EXOC6: variants seen among roughly 807,000 people sequenced by gnomAD.
EXOC6 encodes the protein SEC15-like 1.
A neutral mutation model predicts 112.5 loss-of-function variants in EXOC6; 60 were observed. That is an observed-to-expected ratio of 0.53 (90% CI 0.43 to 0.66). EXOC6 has a LOEUF of 0.66. Ranked by LOEUF, EXOC6 falls within the 30% of genes least tolerant of loss-of-function variation. The pLI is 0.00. For synonymous variants in EXOC6, 295 were observed against 308.0 expected (o/e 0.96, Z 0.44); for missense variants, 855 against 957.1 (o/e 0.89, Z 1.41).
chr10:92,947,564 T>TG (rs35725783), intron 13 of EXOC6, among the ~76,000 whole-genome samples: 1 of 152,156 alleles, frequency 6.6e-6, no homozygotes, highest in Non-Finnish European at 1.5e-5. Flanking sequence ...ATAATCTCAT[T>TG]GGGAAAAGAG....
upstream of EXOC6, among the ~76,000 whole-genome samples, chr10:92,834,446 A>C (rs1564758729): frequency 6.6e-6 from 1 of 152,240 alleles, no homozygotes; most frequent in Non-Finnish European, 1.5e-5. Flanking sequence ...TTGAGAAACG[A>C]GTGAATAAAT....
chr10:93,044,319 C>T (rs1244352165), intron 20 of EXOC6, among the ~76,000 whole-genome samples: 1 of 152,044 alleles, frequency 6.6e-6, no homozygotes, highest in Non-Finnish European at 1.5e-5. Context: ...AGAGAAGCAC[C>T]TTTGAGATTC....
Position 92,987,333 on chromosome 10 carries a change from G to C in EXOC6, c.1954-10141G>C, listed in dbSNP as rs73317373. Among the ~76,000 whole-genome samples the C allele has an allele frequency of 5.6e-3, 855 of 152,246 alleles. 5 individuals carry two copies. Among genetic ancestry groups the C allele is most frequent in the African/African-American group, 0.02 (819 of 41,538 alleles). ...AGTAGACATAAGTGCTAAAGCTCTT[G>C]GTTTTTTAATTCTGACTAGACAACT... On this transcript the variant is annotated intron_variant, in intron 18 of 21. Transcript: ENST00000260762.
At chr10:92,919,198 C>G (rs1589831500) in intron 7 of EXOC6, among the ~76,000 whole-genome samples, 1 of 152,172 alleles carries the variant, frequency 6.6e-6, no homozygotes, top group East Asian at 1.9e-4. Context: ...GCCTTACCCC[C>G]AGACCTTTAC....
rs201030689 is a variant in EXOC6, at chr10:92,940,718, G to A, written c.1213-9G>A. On this transcript the variant is annotated splice_polypyrimidine_tract_variant and intron_variant, in intron 12 of 21. Transcript: ENST00000260762. ...TGTTTATCTGCTTTTTTTTTTTTTTGTATTTTAGGGTTATGGTTTTCCAGT... is the reference window on the plus strand; with the variant it reads ...TGTTTATCTGCTTTTTTTTTTTTTTATATTTTAGGGTTATGGTTTTCCAGT... 2 of 1,031,828 alleles carry A rather than the reference G, an allele frequency of 1.9e-6. No individual in the cohort carries two copies. The highest frequency in any genetic ancestry group is 4.9e-5 in the African/African-American group (2 of 41,100). 63.9% of individuals were successfully genotyped at this position (1,031,828 alleles called of 1,614,324 possible).
upstream of EXOC6, among the ~76,000 whole-genome samples, chr10:92,844,505 C>T (rs778844125): frequency 1.3e-5 from 2 of 152,112 alleles, no homozygotes; most frequent in Non-Finnish European, 2.9e-5. Flanking sequence ...TTCCTGTTTC[C>T]CTCTCTACAA....
intron 20 of EXOC6, among the ~76,000 whole-genome samples, chr10:93,056,000 C>T (rs1379061138): frequency 6.6e-6 from 1 of 152,060 alleles, no homozygotes; most frequent in African/African-American, 2.4e-5. Context: ...AAAGCAAAAC[C>T]AGTAAGACCC....
chr10:93,023,210 C>G (rs1844866872), intron 20 of EXOC6, among the ~76,000 whole-genome samples: 1 of 152,056 alleles, frequency 6.6e-6, no homozygotes, highest in Non-Finnish European at 1.5e-5. Context: ...CCCACCCGGA[C>G]TTTGCCCTGA....
chr10:92,971,086 C>T (rs188425021), intron 17 of EXOC6, among the ~76,000 whole-genome samples: 1 of 152,166 alleles, frequency 6.6e-6, no homozygotes, highest in Admixed American at 6.5e-5. Context: ...GAGTCTCGCT[C>T]TGTTGCCCAG....
chr10:92,975,933 C>T (rs1437661569), intron 18 of EXOC6, among the ~76,000 whole-genome samples: 8 of 140,410 alleles, frequency 5.7e-5, no homozygotes, highest in East Asian at 2.2e-4. Flanking sequence ...GGGTCAGCCC[C>T]CCGCCCGGCC....
At chr10:92,882,010 C>T (rs530370811) in intron 1 of EXOC6, among the ~76,000 whole-genome samples, 19 of 152,198 alleles carry the variant, frequency 1.2e-4, no homozygotes, top group African/African-American at 2.4e-4. Context: ...TACCCAGTCT[C>T]GAGTACGTCT....
At chr10:92,838,610 C>T (rs958216264) in intron 1 of EXOC6, among the ~76,000 whole-genome samples, 2 of 152,190 alleles carry the variant, frequency 1.3e-5, no homozygotes, top group Admixed American at 6.5e-5. Flanking sequence ...AAAGCCATCT[C>T]AGCCAACTAT....
chr10:93,046,840 C>T (rs549989150), intron 20 of EXOC6, among the ~76,000 whole-genome samples: 37 of 152,084 alleles, frequency 2.4e-4, no homozygotes, highest in African/African-American at 7.7e-4. Context: ...TCAGGTGGTC[C>T]GCCCACCTCA....
intron 6 of EXOC6, among the ~76,000 whole-genome samples, chr10:92,911,104 GCAATGTCATAGAAATGAAA>G (rs1850734101): frequency 6.6e-6 from 1 of 152,126 alleles, no homozygotes; most frequent in East Asian, 1.9e-4. Flanking sequence ...AGCTGTTCTT[GCAATGTCATAGAAATGAAA>G]CAATGTCATA....
intron 1 of EXOC6, among the ~76,000 whole-genome samples, chr10:92,854,408 C>T (rs1040195292): frequency 2.0e-5 from 3 of 151,710 alleles, no homozygotes; most frequent in Non-Finnish European, 2.9e-5. Flanking sequence ...TGCACTCCAG[C>T]CTGGGCGACA....
chr10:93,018,582 T>C (rs746802027), intron 20 of EXOC6, among the ~76,000 whole-genome samples: 1 of 151,338 alleles, frequency 6.6e-6, no homozygotes, highest in African/African-American at 2.4e-5. Flanking sequence ...GTATTTCAGA[T>C]AGTGTTTGCC....
intron 20 of EXOC6, among the ~76,000 whole-genome samples, chr10:93,025,449 C>G (rs1332140039): frequency 1.3e-5 from 2 of 152,124 alleles, no homozygotes; most frequent in African/African-American, 4.8e-5. Flanking sequence ...TAATTTAAAG[C>G]TTAGAAGTGT....
intron 1 of EXOC6, among the ~76,000 whole-genome samples, chr10:92,867,701 A>G (rs1337613976): frequency 2.0e-5 from 3 of 152,220 alleles, no homozygotes; most frequent in African/African-American, 7.2e-5. Flanking sequence ...GGGAATCAGT[A>G]TGATGTTACA....
At chr10:92,897,791 A>C (rs1393074976) in intron 4 of EXOC6, among the ~76,000 whole-genome samples, 2 of 152,168 alleles carry the variant, frequency 1.3e-5, no homozygotes, top group Non-Finnish European at 2.9e-5. Context: ...TTTGTCTCTT[A>C]CCTTCTTCTA....
Sources: gnomAD v4.1 joint callset for allele counts (sites outside exome capture counted in the v4.1 genomes callset) on GRCh38, gnomAD v4.1.1 for gene constraint, MANE v1.5 for transcripts, NCBI Gene and HGNC (gene_info 2026-07-23, HGNC 2026-07-21) for gene names.